TLN2: variants seen among roughly 807,000 people sequenced by gnomAD.
TLN2 encodes talin-2.
TLN2 carries 118 observed loss-of-function variants against 294.7 expected under a neutral mutation model. The observed-to-expected ratio is 0.40, with a 90% CI of 0.34 to 0.47. The LOEUF (loss-of-function observed/expected upper bound fraction) is 0.47. TLN2 is among the 20% of genes least tolerant of loss of function. The pLI, the probability that TLN2 is intolerant of heterozygous loss-of-function variation, is 0.84. For missense variants in TLN2, 3,083 were observed against 3,282.2 expected (o/e 0.94, Z 1.48); for synonymous variants, 1,431 against 1,304.5 (o/e 1.10, Z -2.09).
chr15:62,785,130 T>C (rs2064531222), intron 45 of TLN2, among the ~76,000 whole-genome samples: 1 of 152,230 alleles, frequency 6.6e-6, no homozygotes, highest in Non-Finnish European at 1.5e-5. Flanking sequence ...TTGACTAGGC[T>C]GTAGCATGAA....
chr15:62,555,865 TG>T (rs2042574574), intron 1 of TLN2, among the ~76,000 whole-genome samples: 1 of 152,170 alleles, frequency 6.6e-6, no homozygotes, highest in South Asian at 2.1e-4. Flanking sequence ...ACTCTGTTTT[TG>T]TTACTGTAGC....
At chr15:62,488,163 C>T (rs973060448) in intron 1 of TLN2, among the ~76,000 whole-genome samples, 5 of 152,158 alleles carry the variant, frequency 3.3e-5, no homozygotes, top group African/African-American at 7.2e-5. Flanking sequence ...GAAAATGGTA[C>T]TTTGTAAAGT....
At chr15:62,580,847 C>A (rs924996754) in intron 1 of TLN2, among the ~76,000 whole-genome samples, 6 of 16,688 alleles carry the variant, frequency 3.6e-4, no homozygotes, top group Non-Finnish European at 1.3e-3. Flanking sequence ...CCTGCCTTCG[C>A]CCCGCCCCCT....
intron 30 of TLN2, 26 bp from the exon 31 acceptor site, chr15:62,739,322 T>C (rs942384756): frequency 1.2e-6 from 2 of 1,604,120 alleles, no homozygotes; most frequent in East Asian, 2.2e-5. Flanking sequence ...GAATGTCTCA[T>C]GGGGTGTGCC....
At chr15:62,583,048 T>C (rs1202314234) in intron 1 of TLN2, among the ~76,000 whole-genome samples, 1 of 152,234 alleles carries the variant, frequency 6.6e-6, no homozygotes, top group Non-Finnish European at 1.5e-5. Context: ...CAAATTTTTC[T>C]AAAATGCATT....
At chr15:62,807,839 C>T (rs2066400694) in intron 51 of TLN2, among the ~76,000 whole-genome samples, 1 of 152,186 alleles carries the variant, frequency 6.6e-6, no homozygotes, top group Non-Finnish European at 1.5e-5. Flanking sequence ...CACTGCTGAG[C>T]CCTGATGCTC....
intron 28 of TLN2, among the ~76,000 whole-genome samples, chr15:62,736,100 C>G (rs1477722580): frequency 6.6e-6 from 1 of 152,064 alleles, no homozygotes. Flanking sequence ...ATCATGAGGT[C>G]AGGAGATCGA....
rs1180529533 is a variant in TLN2 at position 62,729,056 on chromosome 15, A to G, written c.3358+1867A>G. ...AGGATTCATTTAATTGTTTTTCCAC[A>G]TAGATATCCATTTGACCCAGCACCA... On this transcript the variant is annotated intron_variant, in intron 28 of 58. Coordinates refer to ENST00000636159, the MANE Select transcript of TLN2 (RefSeq NM_015059.3). Among the ~76,000 whole-genome samples, 6 of 152,202 alleles carry G rather than the reference A, an allele frequency of 3.9e-5. No individual in the cohort carries two copies. The East Asian group carries it at 5.8e-4, about 15-fold the overall frequency.
At chr15:62,653,336 A>G (rs1327630240) in intron 7 of TLN2, 22 bp downstream of exon 7, 2 of 1,602,554 alleles carry the variant, frequency 1.2e-6, no homozygotes, top group African/African-American at 2.7e-5. Flanking sequence ...CAGAGGAAGC[A>G]TGATACAGAC....
chr15:62,689,142 C>G (rs1254590857), intron 12 of TLN2, among the ~76,000 whole-genome samples: 1 of 139,536 alleles, frequency 7.2e-6, no homozygotes, highest in Non-Finnish European at 1.5e-5. Flanking sequence ...TTGTGTGTTA[C>G]GTTTTGAGCA....
At chr15:62,787,232 G>A (rs978039069) in intron 45 of TLN2, among the ~76,000 whole-genome samples, 2 of 152,284 alleles carry the variant, frequency 1.3e-5, no homozygotes, top group African/African-American at 2.4e-5. Context: ...TGTCAGATAA[G>A]TTCCATTCTT....
At chr15:62,819,483 C>G in intron 52 of TLN2, 33 bp from the exon 53 acceptor site, 7 of 1,561,652 alleles carry the variant, frequency 4.5e-6, no homozygotes, top group Non-Finnish European at 6.2e-6. Flanking sequence ...GTTACTATCC[C>G]CCTCATGCCT....
chr15:62,420,151 G>T (rs952370768), intron 1 of TLN2, among the ~76,000 whole-genome samples: 3 of 152,208 alleles, frequency 2.0e-5, no homozygotes, highest in Non-Finnish European at 4.4e-5. Context: ...CCTGAAAGCT[G>T]TGTGGTCTAG....
intron 2 of TLN2, among the ~76,000 whole-genome samples, chr15:62,601,533 A>G (rs924540724): frequency 2.6e-5 from 4 of 152,244 alleles, no homozygotes; most frequent in African/African-American, 9.6e-5. Context: ...GGCAGGCTAC[A>G]TATTTTCATT....
rs894731802 is a variant in TLN2, at chr15:62,707,942, T to C, written c.2173-560T>C. On this transcript the variant is annotated intron_variant, in intron 20 of 58. Transcript: ENST00000636159. ...CTGGAATTGATGGCCTGTCATGTTG[T>C]ATAGATCTGTGATCTGGCTCAGCTT... 5.3e-5 allele frequency among the ~76,000 whole-genome samples: 8 copies of C among 152,106 alleles called. 1 individual carries two copies. The highest frequency in any genetic ancestry group is 1.7e-4 in the African/African-American group (7 of 41,416).
intron 1 of TLN2, among the ~76,000 whole-genome samples, chr15:62,536,095 A>G (rs1452458795): frequency 6.6e-6 from 1 of 152,182 alleles, no homozygotes; most frequent in African/African-American, 2.4e-5. Context: ...AGTATCTTAA[A>G]TATTGTTTAA....
rs575329670 is a variant in TLN2, at chr15:62,466,181, G to A, written c.-238+75496G>A. On this transcript the variant is annotated intron_variant, in intron 1 of 58. Transcript: ENST00000636159. ...TAATTAATGGTTGAACTCAGTCTAG[G>A]GGTTGCAAAACCTCCGAAACAGGCC... Among the ~76,000 whole-genome samples, 14 of 152,280 alleles carry A rather than the reference G, an allele frequency of 9.2e-5. No individual in the cohort carries two copies. In the South Asian group the frequency reaches 2.9e-3, roughly 32 times the overall value.
rs148071691 is a variant in TLN2 at position 62,761,770 on chromosome 15, G to A, written c.4728G>A (p.Ala1576=). Reference sequence around the variant, plus strand: ...TTGAAGCTGTGGAGAACCTGACAGCGTTCGCCTCAAACCCTGAGTTTGTCA... The same window carrying A: ...TTGAAGCTGTGGAGAACCTGACAGCATTCGCCTCAAACCCTGAGTTTGTCA... ...PLIEAVENLT[A]FASNPEFVSI... is the part of the protein sequence containing the mutation. The change falls in exon 38 of 59, where the codon GCG becomes GCA. Residue 1576 remains alanine, a synonymous_variant. Coordinates refer to ENST00000636159, the MANE Select transcript of TLN2 (RefSeq NM_015059.3). 1,172 of 1,614,154 alleles carry A rather than the reference G, an allele frequency of 7.3e-4. 9 individuals are homozygous for A. The South Asian group carries it at 9.1e-3, about 12-fold the overall frequency.
rs1555465073 is a variant in TLN2 at position 62,673,322 on chromosome 15, T to TTTTTC, written c.789-501_789-500insCTTTT. On this transcript the variant is annotated intron_variant, in intron 9 of 58. Transcript: ENST00000636159. Reference sequence around the variant, plus strand: ...TTTTTAGATGTTGCTTTTTTTTTTTTTTTTTTGCAATTTCATGTGGTTCTA... The same window carrying TTTTTC: ...TTTTTAGATGTTGCTTTTTTTTTTTTTTTTCTTTTTTGCAATTTCATGTGGTTCTA... 5.0e-3 allele frequency among the ~76,000 whole-genome samples: 706 copies of TTTTTC among 140,180 alleles called. 43 individuals carry two copies. Among genetic ancestry groups the TTTTTC allele is most frequent in the African/African-American group, 0.018 (680 of 37,378 alleles). 92.0% of individuals were successfully genotyped at this position (140,180 alleles called of 152,430 possible).
Sources: gnomAD v4.1 joint callset for allele counts (sites outside exome capture counted in the v4.1 genomes callset) on GRCh38, gnomAD v4.1.1 for gene constraint, MANE v1.5 for transcripts, NCBI Gene and HGNC (gene_info 2026-07-23, HGNC 2026-07-21) for gene names.